The following FKBP9 variants were observed in gnomAD, a reference collection of about 807,000 sequenced individuals.
FKBP9 encodes FKBP prolyl isomerase 9, also known as peptidyl-prolyl cis-trans isomerase FKBP9.
Under a neutral mutation model 55.6 loss-of-function variants are expected in FKBP9, and 27 were observed. That is an observed-to-expected ratio of 0.49 (90% CI 0.36 to 0.67). The LOEUF (loss-of-function observed/expected upper bound fraction) is 0.67. Ranked by LOEUF, FKBP9 falls within the 30% of genes least tolerant of loss-of-function variation. FKBP9 has a pLI of 0.00. For missense variants in FKBP9, 539 were observed against 742.8 expected, an observed-to-expected ratio of 0.73 and a Z score of 3.19; for synonymous variants, 267 against 296.5, an observed-to-expected ratio of 0.90 and a Z score of 1.02.
At chr7:32,966,492 C>G (rs1219671450) in intron 1 of FKBP9, among the ~76,000 whole-genome samples, 1 of 152,108 alleles carries the variant, frequency 6.6e-6, no homozygotes, top group Non-Finnish European at 1.5e-5. Context: ...TTCACCTGTT[C>G]CATTTGCTTT....
At chr7:32,957,906 C>T in intron 1 of FKBP9, 112 bp downstream of exon 1, 3 of 838,160 alleles carry the variant, frequency 3.6e-6, no homozygotes, top group Non-Finnish European at 3.4e-6. Context: ...CAGCCGCGCT[C>T]CTCCCTTCTT....
At chr7:32,968,520 G>A (rs1784191511) in intron 1 of FKBP9, among the ~76,000 whole-genome samples, 1 of 151,224 alleles carries the variant, frequency 6.6e-6, no homozygotes, top group Non-Finnish European at 1.5e-5. Context: ...TTTGATAGTG[G>A]CCATTCTAAC....
Position 32,976,451 on chromosome 7 carries a change from C to T in FKBP9, c.655C>T (p.Arg219Cys), listed in dbSNP as rs757765676. The T allele has an allele frequency of 2.3e-5, 37 of 1,613,394 alleles. No individual in the cohort carries two copies. The highest frequency in any genetic ancestry group is 3.3e-5 in the South Asian group (3 of 91,046). The change falls in exon 4 of 10, where the codon CGC becomes TGC. Residue 219 changes from arginine (R) to cysteine (C), a missense_variant. This residue lies in a region of FKBP9 where 29 missense variants were observed against 65.3 expected (regional missense o/e 0.44). Coordinates refer to ENST00000242209, the MANE Select transcript of FKBP9 (RefSeq NM_007270.5). ...GLLGMCVGEK[R>C]IITIPPFLAY... is the part of the protein sequence containing the mutation. ...GCTGGGGATGTGTGTGGGTGAGAAG[C>T]GCATCATCACCATTCCTCCTTTTCT... is the stretch of plus-strand genomic sequence containing the variant.
At chr7:32,963,576 A>G (rs375682492) in intron 1 of FKBP9, 125 of 1,366,506 alleles carry the variant, frequency 9.1e-5, no homozygotes, top group African/African-American at 8.1e-4. Flanking sequence ...AAAGCTGACA[A>G]AAGTCCCTGC....
At chr7:32,989,732 G>A (rs946463614) in intron 6 of FKBP9, among the ~76,000 whole-genome samples, 2 of 152,084 alleles carry the variant, frequency 1.3e-5, no homozygotes, top group Non-Finnish European at 2.9e-5. Context: ...AACAAATATT[G>A]TTAATCTTAA....
At chr7:32,996,097 A>G in intron 6 of FKBP9, 66 bp from the exon 7 acceptor site, 1 of 1,485,726 alleles carries the variant, frequency 6.7e-7, no homozygotes, top group Non-Finnish European at 9.3e-7. Flanking sequence ...ACCTGGTGAC[A>G]CTGGGGAGGC....
intron 9 of FKBP9, 140 bp from the exon 10 acceptor site, chr7:33,005,035 C>T (rs1005786633): frequency 4.2e-6 from 6 of 1,411,908 alleles, no homozygotes; most frequent in South Asian, 2.9e-5. Context: ...GGTCATATAG[C>T]TGCCAAAAAG....
Position 32,988,516 on chromosome 7 carries a change from G to A in FKBP9, c.903G>A (p.Arg301=). Residue 301 remains arginine (R), a synonymous_variant, in exon 6 of 10, where the codon CGG becomes CGA. Coordinates refer to ENST00000242209, the MANE Select transcript of FKBP9 (RefSeq NM_007270.5). The stretch of plus-strand genomic sequence containing the variant: ...CTTTCTTCTTTTCTAGCTACTCTCG[G>A]AACCGCACGTTTGACACGTACATTG... The part of the protein sequence containing the change: ...DGTLFDSSYS[R]NRTFDTYIGQ... The A allele has an allele frequency of 6.2e-7, 1 of 1,613,802 alleles. No individual in the cohort carries two copies. Among genetic ancestry groups the A allele is most frequent in the Non-Finnish European group, 8.5e-7 (1 of 1,179,838 alleles).
intron 4 of FKBP9, among the ~76,000 whole-genome samples, chr7:32,977,728 A>T (rs933384117): frequency 6.6e-6 from 1 of 150,730 alleles, no homozygotes; most frequent in African/African-American, 2.4e-5. Flanking sequence ...TGTGGAGCGG[A>T]GCAGGAGCAG....
Position 32,957,809 on chromosome 7 carries a change from G to A in FKBP9, c.221+15G>A. Reference sequence around the variant, plus strand: ...TTCGACTCCAGGTACCGCGCCCTTGGCGCCCGGCGCGGCCTCAGCGGATGC... The same window carrying A: ...TTCGACTCCAGGTACCGCGCCCTTGACGCCCGGCGCGGCCTCAGCGGATGC... On this transcript the variant is annotated intron_variant, in intron 1 of 9. Coordinates refer to ENST00000242209, the MANE Select transcript of FKBP9 (RefSeq NM_007270.5). 1.4e-6 allele frequency: 2 copies of A among 1,424,280 alleles called. No individual in the cohort carries two copies. Among genetic ancestry groups the A allele is most frequent in the South Asian group, 3.0e-5 (2 of 65,924 alleles). The allele number at this position is 1,424,280 out of a possible 1,614,324, so 88.2% of individuals were successfully genotyped here. A position where few individuals can be genotyped will look rare whatever the true frequency, so the allele number is the denominator to read the frequency against.
Position 32,988,569 on chromosome 7 carries a change from A to G in FKBP9, c.956A>G (p.Asp319Gly). The G allele has an allele frequency of 1.9e-6, 3 of 1,613,852 alleles. No individual in the cohort carries two copies. The highest frequency in any genetic ancestry group is 2.5e-6 in the Non-Finnish European group (3 of 1,179,836). Residue 319 changes from aspartate to glycine, a missense_variant, in exon 6 of 10, where the codon GAT becomes GGT. By Grantham distance (94) the Asp-to-Gly change is moderately conservative. Transcript: ENST00000242209. ...IGQGYVIPGM[D>G]EGLLGVCIGE... is the part of the protein sequence containing the mutation. The stretch of plus-strand genomic sequence containing the variant: ...CAGGGCTACGTGATTCCTGGGATGG[A>G]TGAAGGTCTACTTGGTGTTTGCATT...
intron 5 of FKBP9, among the ~76,000 whole-genome samples, chr7:32,985,759 G>A (rs1181832758): frequency 1.6e-4 from 25 of 152,078 alleles, no homozygotes; most frequent in Admixed American, 6.6e-5. Context: ...TTGGGAGGCC[G>A]AGGCAGGTGG....
intron 4 of FKBP9, chr7:32,979,522 G>C (rs1056941442): frequency 6.4e-5 from 99 of 1,550,432 alleles, no homozygotes; most frequent in Non-Finnish European, 1.5e-5. Context: ...AGGAGCTCAG[G>C]CTTGGCGGCA....
At chr7:32,965,872 C>CAG (rs1562563096) in intron 1 of FKBP9, among the ~76,000 whole-genome samples, 1 of 73,428 alleles carries the variant, frequency 1.4e-5, no homozygotes, top group African/African-American at 7.2e-5. Flanking sequence ...TATATACATA[C>CAG]ATATATATAT....
At chr7:32,993,812 CA>C (rs57803982) in intron 6 of FKBP9, among the ~76,000 whole-genome samples, 17 of 148,784 alleles carry the variant, frequency 1.1e-4, no homozygotes, top group African/African-American at 3.2e-4. Context: ...GACTCCATCT[CA>C]AAAAAAAAAA....
Position 32,980,622 on chromosome 7 carries a change from C to T in FKBP9, c.893+69C>T, listed in dbSNP as rs138580826. ...AAATAAAGTCTGCCATTGGCTGGACCATGATTTAAATACTCTGTCCATGCT... is the reference window on the plus strand; with the variant it reads ...AAATAAAGTCTGCCATTGGCTGGACTATGATTTAAATACTCTGTCCATGCT... On this transcript the variant is annotated intron_variant, in intron 5 of 9. Coordinates refer to ENST00000242209, the MANE Select transcript of FKBP9 (RefSeq NM_007270.5). 2,545 of 1,567,038 alleles carry T rather than the reference C, an allele frequency of 1.6e-3. 30 individuals are homozygous for T. In the African/African-American group the frequency reaches 0.03, roughly 18 times the overall value.
In FKBP9 at chr7:32,957,618, G is replaced by A. The variant is rs1455403784; in HGVS notation, c.45G>A (p.Leu15=). ...GGCCCCCGCCGCCACCGCTGCTCCT[G>A]CTGCTGCTCTGGGTGACCGGGCAGG... The part of the protein sequence containing the change: ...GWRPPPPPLL[L]LLLWVTGQAA... Residue 15 remains leucine (L), a synonymous_variant, in exon 1 of 10, where the codon CTG becomes CTA. Transcript: ENST00000242209. 11 of 1,486,130 alleles carry A rather than the reference G, an allele frequency of 7.4e-6. No individual in the cohort carries two copies. The highest frequency in any genetic ancestry group is 1.3e-5 in the South Asian group (1 of 78,864). 92.1% of individuals were successfully genotyped at this position (1,486,130 alleles called of 1,614,324 possible). A position where few individuals can be genotyped will look rare whatever the true frequency, so the allele number is the denominator to read the frequency against.
chr7:32,990,011 A>G (rs1277416518), intron 6 of FKBP9, among the ~76,000 whole-genome samples: 6 of 149,220 alleles, frequency 4.0e-5, no homozygotes, highest in Non-Finnish European at 7.4e-5. Flanking sequence ...TTTTTTTTGT[A>G]AAGACAGACA....
chr7:32,996,400 A>G (rs778855402), intron 7 of FKBP9, 51 bp downstream of exon 7: 2 of 1,278,672 alleles, frequency 1.6e-6, no homozygotes, highest in East Asian at 4.8e-5. Flanking sequence ...TGACAGTTGC[A>G]TGCTCCCACC....
Sources: allele counts gnomAD v4.1 joint callset (sites outside exome capture counted in the v4.1 genomes callset), GRCh38; gene constraint gnomAD v4.1.1; regional missense constraint gnomAD v4.1.1; transcripts MANE v1.5; gene names NCBI Gene and HGNC (gene_info 2026-07-23, HGNC 2026-07-21).